STK32B: variants seen among roughly 807,000 people sequenced by gnomAD.
STK32B encodes serine/threonine kinase 32B, also known as serine/threonine-protein kinase 32B.
Under a neutral mutation model 52.6 loss-of-function variants are expected in STK32B, and 43 were observed. The ratio of observed to expected loss-of-function variants is 0.82; its 90% confidence interval spans 0.64 to 1.05. STK32B has a LOEUF of 1.05. STK32B is among the 50% of genes least tolerant of loss of function. The pLI is 0.00. For synonymous variants in STK32B, 238 were observed against 204.3 expected, an observed-to-expected ratio of 1.17 and a Z score of -1.41; for missense variants, 621 against 534.6, an observed-to-expected ratio of 1.16 and a Z score of -1.59.
chr4:5,089,746 A>AT (rs2108782191), intron 1 of STK32B, among the ~76,000 whole-genome samples: 1 of 152,234 alleles, frequency 6.6e-6, no homozygotes, highest in Non-Finnish European at 1.5e-5. Context: ...GTCAAATGGT[A>AT]TTTTTGGTTC....
At chr4:5,147,866 G>C (rs1275777085) in intron 2 of STK32B, among the ~76,000 whole-genome samples, 1 of 151,832 alleles carries the variant, frequency 6.6e-6, no homozygotes, top group Non-Finnish European at 1.5e-5. Context: ...ATATTAGTCT[G>C]CTTTTTTGTA....
intron 3 of STK32B, among the ~76,000 whole-genome samples, chr4:5,300,511 A>G (rs571303028): frequency 6.6e-6 from 1 of 152,282 alleles, no homozygotes; most frequent in South Asian, 2.1e-4. Context: ...TACAGACCAC[A>G]TTATTCTACA....
chr4:5,353,882 G>A (rs1734006794), intron 4 of STK32B, among the ~76,000 whole-genome samples: 1 of 152,144 alleles, frequency 6.6e-6, no homozygotes, highest in South Asian at 2.1e-4. Flanking sequence ...CCCACTACTG[G>A]GTGTTTATGA....
At chr4:5,111,582 A>G (rs549755675) in intron 1 of STK32B, among the ~76,000 whole-genome samples, 4 of 152,120 alleles carry the variant, frequency 2.6e-5, no homozygotes, top group Non-Finnish European at 5.9e-5. Context: ...ATGGACATAA[A>G]GATGGAGAGA....
chr4:5,057,829 C>T (rs555287974), intron 1 of STK32B, among the ~76,000 whole-genome samples: 1 of 152,244 alleles, frequency 6.6e-6, no homozygotes, highest in East Asian at 1.9e-4. Flanking sequence ...AGAAACTGTT[C>T]TACAAAGAAT....
At chr4:5,221,933 C>G (rs1447281) in intron 3 of STK32B, among the ~76,000 whole-genome samples, 82,951 of 151,092 alleles carry the variant, frequency 0.55, 23,534 homozygotes, top group African/African-American at 0.7. Flanking sequence ...ATTAGGCCAC[C>G]AGGTCTCCTC....
In STK32B at chr4:5,051,928, G is replaced by C. The variant is rs1487781303; in HGVS notation, c.52+13G>C. ...GAGAATGAGGAAGGTAAGAGAGCGA[G>C]AGGTGCGAATTCCCGCTTCGCGGGG... is the stretch of plus-strand genomic sequence containing the variant. On this transcript the variant is annotated intron_variant, in intron 1 of 11. Transcript: ENST00000282908. 1.3e-6 allele frequency: 2 copies of C among 1,587,366 alleles called. No individual in the cohort carries two copies. The highest frequency in any genetic ancestry group is 1.8e-5 in the Admixed American group (1 of 56,600).
chr4:5,146,533 C>T (rs1359825260), intron 2 of STK32B, among the ~76,000 whole-genome samples: 2 of 152,146 alleles, frequency 1.3e-5, no homozygotes, highest in Non-Finnish European at 2.9e-5. Context: ...TGGTGCCTAC[C>T]CGTGTTGCAG....
intron 3 of STK32B, among the ~76,000 whole-genome samples, chr4:5,300,886 G>T (rs2108896343): frequency 6.6e-6 from 1 of 152,136 alleles, no homozygotes; most frequent in Admixed American, 6.6e-5. Flanking sequence ...TAGATTCATT[G>T]CAATTTCTAT....
chr4:5,264,639 T>A (rs1726943091), intron 3 of STK32B, among the ~76,000 whole-genome samples: 1 of 109,062 alleles, frequency 9.2e-6, no homozygotes. Flanking sequence ...AAAAAAAAAA[T>A]AGCCGGGCAT....
intron 3 of STK32B, among the ~76,000 whole-genome samples, chr4:5,193,808 C>G (rs376024028): frequency 6.6e-6 from 1 of 152,226 alleles, no homozygotes; most frequent in East Asian, 1.9e-4. Flanking sequence ...AACACAAGTG[C>G]GTTTGCGGGA....
chr4:5,311,888 A>C (rs1269173987), intron 3 of STK32B, among the ~76,000 whole-genome samples: 1 of 148,934 alleles, frequency 6.7e-6, no homozygotes, highest in Non-Finnish European at 1.5e-5. Context: ...GAAATGGAAG[A>C]GAAGTGCATA....
chr4:5,207,359 G>A (rs954958218), intron 3 of STK32B, among the ~76,000 whole-genome samples: 8 of 152,088 alleles, frequency 5.3e-5, no homozygotes, highest in African/African-American at 7.2e-5. Flanking sequence ...TCGTGATAGC[G>A]AATAAGTTTC....
chr4:5,445,369 G>C (rs11737633), intron 6 of STK32B, among the ~76,000 whole-genome samples: 1 of 152,108 alleles, frequency 6.6e-6, no homozygotes, highest in Non-Finnish European at 1.5e-5. Context: ...GTGGCTCCCC[G>C]GGGCAGATTT....
intron 3 of STK32B, among the ~76,000 whole-genome samples, chr4:5,226,941 C>T (rs1457890128): frequency 6.6e-6 from 1 of 152,144 alleles, no homozygotes; most frequent in African/African-American, 2.4e-5. Flanking sequence ...ACCAAAAATA[C>T]TTATTTTTTT....
At chr4:5,184,775 A>G (rs952927998) in intron 3 of STK32B, among the ~76,000 whole-genome samples, 2 of 152,232 alleles carry the variant, frequency 1.3e-5, no homozygotes, top group Non-Finnish European at 2.9e-5. Flanking sequence ...GAAATATTCC[A>G]AGAATTATCA....
At chr4:5,390,157 T>C (rs1736509040) in intron 4 of STK32B, among the ~76,000 whole-genome samples, 1 of 152,222 alleles carries the variant, frequency 6.6e-6, no homozygotes, top group Non-Finnish European at 1.5e-5. Context: ...GTAGTGGTTG[T>C]TACTGCAGTG....
Position 5,317,256 on chromosome 4 carries a change from TA to T in STK32B, c.261-13963del, listed in dbSNP as rs1293160767. ...TAACATATATATATTATATATAACA[TA>T]TAACATATATATAATATATAACATA... is the stretch of plus-strand genomic sequence containing the variant. On this transcript the variant is annotated intron_variant, in intron 3 of 11. Transcript: ENST00000282908. Among the ~76,000 whole-genome samples, 4 of 42,820 alleles carry T rather than the reference TA, an allele frequency of 9.3e-5. 1 individual carries two copies. The highest frequency in any genetic ancestry group is 5.8e-4 in the African/African-American group (4 of 6,926). 28.1% of individuals were successfully genotyped at this position (42,820 alleles called of 152,430 possible).
chr4:5,122,395 C>G (rs952154184), intron 1 of STK32B, among the ~76,000 whole-genome samples: 1 of 151,900 alleles, frequency 6.6e-6, no homozygotes, highest in Non-Finnish European at 1.5e-5. Context: ...CTCACTCATT[C>G]ATTCACTCAC....
Sources: gnomAD v4.1 joint callset for allele counts (sites outside exome capture counted in the v4.1 genomes callset) on GRCh38, gnomAD v4.1.1 for gene constraint, MANE v1.5 for transcripts, NCBI Gene and HGNC (gene_info 2026-07-23, HGNC 2026-07-21) for gene names.